COL8A1: variants seen among roughly 807,000 people sequenced by gnomAD.
The protein encoded by COL8A1 is collagen alpha-1(VIII) chain.
Under a neutral mutation model 42.7 loss-of-function variants are expected in COL8A1, and 21 were observed. That is an observed-to-expected ratio of 0.49 (90% CI 0.35 to 0.71). The LOEUF is 0.71. Ranked by LOEUF, COL8A1 falls within the 30% of genes least tolerant of loss-of-function variation. COL8A1 has a pLI of 0.01. For missense variants in COL8A1, 788 were observed against 962.4 expected, an observed-to-expected ratio of 0.82 and a Z score of 2.40; for synonymous variants, 367 against 369.1, an observed-to-expected ratio of 0.99 and a Z score of 0.06.
intron 2 of COL8A1, among the ~76,000 whole-genome samples, chr3:99,787,884 A>ACACC (rs1941928094): frequency 6.6e-6 from 1 of 151,606 alleles, no homozygotes; most frequent in Non-Finnish European, 1.5e-5. Context: ...ACCCACACCC[A>ACACC]CACACACACA....
chr3:99,789,528 C>A (rs1387849895), intron 2 of COL8A1, among the ~76,000 whole-genome samples: 2 of 152,170 alleles, frequency 1.3e-5, no homozygotes, highest in Non-Finnish European at 2.9e-5. Flanking sequence ...GAATATTGAA[C>A]AGACCTAAGT....
At chr3:99,677,817 G>T (rs1938747835) in intron 1 of COL8A1, 1 of 152,178 alleles carries the variant, frequency 6.6e-6, no homozygotes, top group African/African-American at 2.4e-5. Context: ...ACAAGACAAA[G>T]AGCTAGGACT....
intron 1 of COL8A1, among the ~76,000 whole-genome samples, chr3:99,642,400 A>G (rs1272232682): frequency 6.6e-6 from 1 of 152,206 alleles, no homozygotes; most frequent in Non-Finnish European, 1.5e-5. Flanking sequence ...ATCAGATCAA[A>G]CTGAAGTGAA....
At chr3:99,735,669 A>C (rs1212923013) in intron 1 of COL8A1, among the ~76,000 whole-genome samples, 1 of 150,098 alleles carries the variant, frequency 6.7e-6, no homozygotes, top group Admixed American at 6.6e-5. Flanking sequence ...GCCTCATAAA[A>C]TGAGTTAGGG....
chr3:99,682,614 TTA>T (rs1491202502), intron 1 of COL8A1, among the ~76,000 whole-genome samples: 1 of 141,286 alleles, frequency 7.1e-6, no homozygotes, highest in Non-Finnish European at 1.5e-5. Context: ...GAATGTGAAA[TTA>T]AAAAAAAAAA....
chr3:99,776,413 T>C (rs1043705478), intron 2 of COL8A1, among the ~76,000 whole-genome samples: 1 of 152,180 alleles, frequency 6.6e-6, no homozygotes, highest in African/African-American at 2.4e-5. Flanking sequence ...CTACAGCTCC[T>C]AGCATGGTAG....
chr3:99,676,835 T>C (rs1408165275), intron 1 of COL8A1, among the ~76,000 whole-genome samples: 3 of 152,114 alleles, frequency 2.0e-5, no homozygotes. Flanking sequence ...AATATCAATA[T>C]TCAAAAATCC....
intron 1 of COL8A1, among the ~76,000 whole-genome samples, chr3:99,714,022 G>A (rs1463319649): frequency 2.0e-5 from 3 of 152,136 alleles, no homozygotes; most frequent in Non-Finnish European, 4.4e-5. Context: ...AAAAATCAAG[G>A]CAAATGAAAA....
At chr3:99,773,815 G>GTATATATATATATATATATAA (rs1941629750) in intron 2 of COL8A1, among the ~76,000 whole-genome samples, 1 of 35,900 alleles carries the variant, frequency 2.8e-5, no homozygotes, top group African/African-American at 1.1e-4. Context: ...ATATATGTGT[G>GTATATATATATATATATATAA]TATATATATA....
chr3:99,660,539 A>G (rs1028305590), intron 1 of COL8A1, among the ~76,000 whole-genome samples: 3 of 152,108 alleles, frequency 2.0e-5, no homozygotes, highest in South Asian at 2.1e-4. Context: ...GGCTGGCAAT[A>G]GGTAGAAGGA....
At chr3:99,653,674 G>C (rs760720160) in intron 1 of COL8A1, among the ~76,000 whole-genome samples, 1 of 150,896 alleles carries the variant, frequency 6.6e-6, no homozygotes, top group African/African-American at 2.4e-5. Flanking sequence ...ACCTCATCCC[G>C]TGAGTTTCTG....
At chr3:99,647,205 G>A (rs1421211665) in intron 1 of COL8A1, among the ~76,000 whole-genome samples, 3 of 152,108 alleles carry the variant, frequency 2.0e-5, no homozygotes, top group Non-Finnish European at 4.4e-5. Context: ...TACCCTGCCT[G>A]AGCGCATCTC....
chr3:99,644,835 T>A (rs1308699737), intron 1 of COL8A1, among the ~76,000 whole-genome samples: 1 of 152,206 alleles, frequency 6.6e-6, no homozygotes, highest in Non-Finnish European at 1.5e-5. Context: ...AGCTGTCAAC[T>A]TCTCTAGGAA....
intron 1 of COL8A1, among the ~76,000 whole-genome samples, chr3:99,662,331 G>A (rs969373616): frequency 7.4e-5 from 11 of 148,186 alleles, no homozygotes; most frequent in Admixed American, 3.4e-4. Context: ...GCCCTGAGCC[G>A]ACATCACGCC....
intron 1 of COL8A1, among the ~76,000 whole-genome samples, chr3:99,743,188 T>A (rs1258180408): frequency 6.6e-6 from 1 of 152,354 alleles, no homozygotes; most frequent in East Asian, 1.9e-4. Flanking sequence ...CCTGCCAGTC[T>A]TCTGCAAGAT....
rs775273019 is a variant in COL8A1 at position 99,796,040 on chromosome 3, G to A, written c.2139G>A (p.Arg713=). The change falls in exon 4 of 4, where the codon CGG becomes CGA. Residue 713 remains arginine (R), a synonymous_variant. Transcript: ENST00000652472. ...SAVLLLRPGD[R]VFLQMPSEQA... ...TGCTGCTGCTCAGGCCCGGAGACCG[G>A]GTGTTCCTCCAGATGCCCTCAGAAC... The A allele has an allele frequency of 5.6e-6, 9 of 1,613,052 alleles. No homozygotes were observed. The East Asian group carries it at 8.9e-5, about 16-fold the overall frequency.
intron 2 of COL8A1, among the ~76,000 whole-genome samples, chr3:99,773,815 G>GTATATATATATATATATATATATGTTA (rs1553682062): frequency 2.8e-5 from 1 of 35,900 alleles, no homozygotes; most frequent in Non-Finnish European, 5.0e-5. Context: ...ATATATGTGT[G>GTATATATATATATATATATATATGTTA]TATATATATA....
chr3:99,696,976 A>ATTT lies in COL8A1; in HGVS notation c.-128-47895_-128-47893dup, dbSNP rs34865022. 4.8e-3 allele frequency among the ~76,000 whole-genome samples: 422 copies of ATTT among 88,056 alleles called. 27 individuals carry two copies. Among genetic ancestry groups the ATTT allele is most frequent in the Middle Eastern group, 8.5e-3 (1 of 118 alleles). The allele number at this position is 88,056 out of a possible 152,430, so 57.8% of individuals were successfully genotyped here. On this transcript the variant is annotated intron_variant, in intron 1 of 3. Transcript: ENST00000652472. The stretch of plus-strand genomic sequence containing the variant: ...TAATCCCCACCGGAAATATACACAA[A>ATTT]TTTTTTTTTTTTTTTTTTTTTTTTT...
chr3:99,678,490 C>T (rs1340470585), intron 1 of COL8A1: 1 of 151,970 alleles, frequency 6.6e-6, no homozygotes, highest in African/African-American at 2.4e-5. Context: ...TGTGCTCAGC[C>T]GAAGAGAAGC....
Sources: allele counts gnomAD v4.1 joint callset (sites outside exome capture counted in the v4.1 genomes callset), GRCh38; gene constraint gnomAD v4.1.1; transcripts MANE v1.5; gene names NCBI Gene and HGNC (gene_info 2026-07-23, HGNC 2026-07-21).